Variants in RBFOX1 observed in about 807,000 individuals in gnomAD.
RBFOX1 encodes the protein RNA binding protein fox-1 homolog 1.
Under a neutral mutation model 57.7 loss-of-function variants are expected in RBFOX1, and 8 were observed. The observed-to-expected ratio is 0.14, with a 90% CI of 0.08 to 0.25. The LOEUF (loss-of-function observed/expected upper bound fraction) is 0.25. Among genes scored for constraint, RBFOX1 ranks in the 10% least tolerant of loss-of-function variants. The probability of loss-of-function intolerance (pLI) is 1.00; values close to 1 mark genes in which losing one functional copy is unlikely to be tolerated. For synonymous variants in RBFOX1, 326 were observed against 222.4 expected, an observed-to-expected ratio of 1.47 and a Z score of -4.15; for missense variants, 611 against 548.5, an observed-to-expected ratio of 1.11 and a Z score of -1.14.
chr16:6,423,999 G>T (rs2093849303), intron 2 of RBFOX1, among the ~76,000 whole-genome samples: 1 of 152,132 alleles, frequency 6.6e-6, no homozygotes, highest in Non-Finnish European at 1.5e-5. Context: ...CAGCGCTTTG[G>T]GAGGCCGAGG....
chr16:7,343,349 G>A (rs187965199), intron 4 of RBFOX1, among the ~76,000 whole-genome samples: 3 of 152,118 alleles, frequency 2.0e-5, no homozygotes, highest in Non-Finnish European at 4.4e-5. Flanking sequence ...AGGCAAGGGA[G>A]GAGCATGGGA....
At chr16:5,788,959 C>G (rs1216632141) in intron 3 of RBFOX1, among the ~76,000 whole-genome samples, 4 of 152,172 alleles carry the variant, frequency 2.6e-5, no homozygotes, top group South Asian at 2.1e-4. Flanking sequence ...GACATTTTCT[C>G]CTGCCTACCC....
intron 1 of RBFOX1, among the ~76,000 whole-genome samples, chr16:5,301,046 C>G (rs1039725386): frequency 2.6e-5 from 4 of 152,184 alleles, no homozygotes; most frequent in Non-Finnish European, 4.4e-5. Flanking sequence ...CTTGTGTAAT[C>G]TCCTCCCTTC....
chr16:6,536,773 A>G (rs1011536071), intron 2 of RBFOX1, among the ~76,000 whole-genome samples: 2 of 152,182 alleles, frequency 1.3e-5, no homozygotes, highest in African/African-American at 4.8e-5. Context: ...GAGATTAACA[A>G]TACAAGAAGT....
chr16:6,100,229 C>G (rs546704484), intron 1 of RBFOX1, among the ~76,000 whole-genome samples: 4 of 152,104 alleles, frequency 2.6e-5, no homozygotes, highest in Admixed American at 2.0e-4. Flanking sequence ...GTGGCCCGAT[C>G]TCGGCTCACT....
At chr16:5,731,152 T>A (rs2052357532) in intron 3 of RBFOX1, among the ~76,000 whole-genome samples, 1 of 152,044 alleles carries the variant, frequency 6.6e-6, no homozygotes, top group Non-Finnish European at 1.5e-5. Context: ...ACCATTATCA[T>A]TACCATCATC....
At chr16:7,542,192 G>C (rs2083136427) in intron 5 of RBFOX1, among the ~76,000 whole-genome samples, 1 of 152,080 alleles carries the variant, frequency 6.6e-6, no homozygotes, top group African/African-American at 2.4e-5. Flanking sequence ...TGGGCTACCT[G>C]GGCCAGAGAG....
At chr16:7,614,364 T>A (rs1298511134) in intron 10 of RBFOX1, 1 of 152,152 alleles carries the variant, frequency 6.6e-6, no homozygotes, top group Non-Finnish European at 1.5e-5. Context: ...CCCTCTTCTG[T>A]CTTATCAGAT....
chr16:5,429,006 A>G (rs369610456), intron 1 of RBFOX1, among the ~76,000 whole-genome samples: 10 of 152,204 alleles, frequency 6.6e-5, no homozygotes, highest in Admixed American at 6.5e-4. Flanking sequence ...GGCTTTTTAA[A>G]TGGAAGTACC....
At chr16:7,527,451 G>C (rs199814080) in intron 5 of RBFOX1, among the ~76,000 whole-genome samples, 2 of 152,262 alleles carry the variant, frequency 1.3e-5, no homozygotes, top group East Asian at 3.9e-4. Flanking sequence ...AAAGACCCAT[G>C]TGTTTGACGT....
chr16:6,836,020 C>G (rs144211260), intron 3 of RBFOX1, among the ~76,000 whole-genome samples: 2 of 152,296 alleles, frequency 1.3e-5, no homozygotes, highest in East Asian at 3.9e-4. Context: ...GAAATACAGT[C>G]TCTGTCCTTG....
intron 13 of RBFOX1, among the ~76,000 whole-genome samples, chr16:7,672,022 G>C (rs1216547724): frequency 6.6e-6 from 1 of 152,126 alleles, no homozygotes; most frequent in Non-Finnish European, 1.5e-5. Context: ...TTTTTAGTAG[G>C]TTCCCAGAGT....
intron 1 of RBFOX1, among the ~76,000 whole-genome samples, chr16:5,466,502 G>A (rs561012678): frequency 5.4e-4 from 82 of 152,310 alleles, no homozygotes; most frequent in African/African-American, 1.7e-3. Context: ...TACTCACAGA[G>A]TGAGGTCTTC....
At chr16:5,764,796 C>T (rs1323248282) in intron 3 of RBFOX1, among the ~76,000 whole-genome samples, 1 of 117,774 alleles carries the variant, frequency 8.5e-6, no homozygotes, top group Non-Finnish European at 1.8e-5. Context: ...TAACCATCAT[C>T]ATTTTTTTTA....
At position 6,961,145 on chromosome 16, in the gene RBFOX1, C is replaced by CACCCACACACACACACA. The variant is rs142889433; in HGVS notation, c.-15-90912_-15-90911insACCCACACACACACACA. Among the ~76,000 whole-genome samples the CACCCACACACACACACA allele has an allele frequency of 8.5e-4, 122 of 143,770 alleles. 1 individual carries two copies. The highest frequency in any genetic ancestry group is 3.0e-3 in the African/African-American group (117 of 38,534). 94.3% of individuals were successfully genotyped at this position (143,770 alleles called of 152,430 possible). ...GCAATAGAGACTCCATCACACACAC[C>CACCCACACACACACACA]CACACAGACACACACACGCAAAAGA... On this transcript the variant is annotated intron_variant, in intron 3 of 15. Transcript: ENST00000550418.
chr16:6,102,991 C>T (rs551494307), intron 1 of RBFOX1, among the ~76,000 whole-genome samples: 2 of 152,218 alleles, frequency 1.3e-5, no homozygotes, highest in Admixed American at 6.5e-5. Context: ...TTCAGTCTTG[C>T]AAGACTTTCA....
intron 4 of RBFOX1, among the ~76,000 whole-genome samples, chr16:5,909,616 C>G (rs574567823): frequency 6.6e-6 from 1 of 152,260 alleles, no homozygotes; most frequent in Admixed American, 6.5e-5. Flanking sequence ...ACTGGAGAGC[C>G]TAACTCTGTA....
intron 1 of RBFOX1, among the ~76,000 whole-genome samples, chr16:5,342,680 T>C (rs2065057652): frequency 6.6e-6 from 1 of 152,128 alleles, no homozygotes; most frequent in African/African-American, 2.4e-5. Context: ...TAGACTGCAT[T>C]GTGAAGGAAG....
At chr16:6,654,080 G>A (rs1225596436) in intron 2 of RBFOX1, among the ~76,000 whole-genome samples, 1 of 149,192 alleles carries the variant, frequency 6.7e-6, no homozygotes, top group Non-Finnish European at 1.5e-5. Context: ...ATGAATGGAT[G>A]ATTAGATCAA....
Sources: gnomAD v4.1 joint callset for allele counts (sites outside exome capture counted in the v4.1 genomes callset) on GRCh38, gnomAD v4.1.1 for gene constraint, MANE v1.5 for transcripts, NCBI Gene and HGNC (gene_info 2026-07-23, HGNC 2026-07-21) for gene names.